PHACTR2: variants seen among roughly 807,000 people sequenced by gnomAD.
The protein encoded by PHACTR2 is chromosome 6 open reading frame 56.
PHACTR2 carries 30 observed loss-of-function variants against 76.0 expected under a neutral mutation model. The ratio of observed to expected loss-of-function variants is 0.39; its 90% CI spans 0.30 to 0.54. The LOEUF is 0.54. Ranked by LOEUF, PHACTR2 falls within the 20% of genes least tolerant of loss-of-function variation. PHACTR2 has a pLI of 0.61. For missense variants in PHACTR2, 696 were observed against 781.1 expected (o/e 0.89, Z 1.30); for synonymous variants, 292 against 292.5 (o/e 1.00, Z 0.02).
intron 12 of PHACTR2, among the ~76,000 whole-genome samples, chr6:143,812,785 T>A (rs1168389311): frequency 1.3e-5 from 2 of 152,142 alleles, no homozygotes; most frequent in African/African-American, 4.8e-5. Flanking sequence ...AAAAAGTCCA[T>A]TTGAGGGTGA....
rs1254630002 is a variant in PHACTR2, at chr6:143,549,709, CCTT to C, written c.217+12508_217+12510del. Among the ~76,000 whole-genome samples the C allele has an allele frequency of 6.6e-6, 1 of 152,034 alleles. No individual in the cohort carries two copies. The highest frequency in any genetic ancestry group is 1.5e-5 in the Non-Finnish European group (1 of 67,956). On this transcript the variant is annotated intron_variant, in intron 1 of 11. Transcript: ENST00000367584. The surrounding 1 kb of genome is among the most constrained non-coding windows in gnomAD (Gnocchi z 4.2). ...CTGAGCTGCCTGGCTGCCACTCCTC[CCTT>C]CTTCTGCACACGCCTACTTTAACAG...
rs1202861425 is a variant in PHACTR2, at chr6:143,550,384, C to G, written c.217+13177C>G. On this transcript the variant is annotated intron_variant, in intron 1 of 11. Coordinates refer to the PHACTR2 transcript ENST00000367584. The surrounding 1 kb of genome is among the most constrained non-coding windows in gnomAD (Gnocchi z 4.8). ...TTTTAAGGACTGATTCCTTATAGCA[C>G]TGATGTACCTCAACATCCCATCCAT... Among the ~76,000 whole-genome samples, 1 of 151,978 alleles carries G rather than the reference C, an allele frequency of 6.6e-6. No individual in the cohort carries two copies. The highest frequency in any genetic ancestry group is 1.5e-5 in the Non-Finnish European group (1 of 67,960).
intron 1 of PHACTR2, among the ~76,000 whole-genome samples, chr6:143,542,178 T>G (rs1000620418): frequency 6.6e-6 from 1 of 152,134 alleles, no homozygotes; most frequent in Non-Finnish European, 1.5e-5. Flanking sequence ...AGCCTGCGCT[T>G]TGCCCAGGTC....
In PHACTR2 at chr6:143,672,023, G is replaced by C. The variant is rs1343287639; in HGVS notation, c.14-39993G>C. On this transcript the variant is annotated intron_variant, in intron 1 of 11. Coordinates refer to the PHACTR2 transcript ENST00000305766. The surrounding 1 kb of genome is among the most constrained non-coding windows in gnomAD (Gnocchi z 5.8). The stretch of plus-strand genomic sequence containing the variant: ...GTAAGAAATTTTAGATAAATCAAAA[G>C]TATGGACATGGAAAGCAGGTTGGCA... Among the ~76,000 whole-genome samples, 1 of 152,084 alleles carries C rather than the reference G, an allele frequency of 6.6e-6. No individual in the cohort carries two copies. Among genetic ancestry groups the C allele is most frequent in the Non-Finnish European group, 1.5e-5 (1 of 68,012 alleles).
chr6:143,615,037 G>C (rs1776039431), intron 1 of PHACTR2, among the ~76,000 whole-genome samples: 1 of 152,156 alleles, frequency 6.6e-6, no homozygotes, highest in Non-Finnish European at 1.5e-5. Context: ...TGTCTTAAAA[G>C]GAAGGAACCT....
In PHACTR2 at chr6:143,554,299, G is replaced by T. The variant is rs1235729101; in HGVS notation, c.217+17092G>T. The stretch of plus-strand genomic sequence containing the variant: ...AAAATGTCTTTACCTCCAACAATTT[G>T]CTGTTAAAAAATTATTCGATGACAC... On this transcript the variant is annotated intron_variant, in intron 1 of 11. Transcript: ENST00000367584. This position sits in a 1 kb window ranked among gnomAD's most constrained non-coding sequence, Gnocchi z 5.9. The T allele has an allele frequency of 6.6e-6, 1 of 152,104 alleles. No individual in the cohort carries two copies. Among genetic ancestry groups the T allele is most frequent in the Non-Finnish European group, 1.5e-5 (1 of 68,024 alleles). The allele number at this position is 152,104 out of a possible 1,614,324, so 9.4% of individuals were successfully genotyped here. A position where few individuals can be genotyped will look rare whatever the true frequency, so the allele number is the denominator to read the frequency against.
intron 2 of PHACTR2, among the ~76,000 whole-genome samples, chr6:143,720,085 T>A (rs76970060): frequency 6.6e-6 from 1 of 152,108 alleles, no homozygotes; most frequent in Non-Finnish European, 1.5e-5. Flanking sequence ...GTCCTGGGAT[T>A]ATAAGTGTGC....
In PHACTR2 at chr6:143,548,510, A is replaced by G. The variant is rs1217848769; in HGVS notation, c.217+11303A>G. 6.6e-6 allele frequency among the ~76,000 whole-genome samples: 1 copy of G among 152,016 alleles called. No individual in the cohort carries two copies. Among genetic ancestry groups the G allele is most frequent in the African/African-American group, 2.4e-5 (1 of 41,430 alleles). On this transcript the variant is annotated intron_variant, in intron 1 of 11. Coordinates refer to the PHACTR2 transcript ENST00000367584. The surrounding 1 kb of genome is among the most constrained non-coding windows in gnomAD (Gnocchi z 4.5). ...TATTTACATGTCTTCTGTTAAAGCTAGCAGAGAGGGCTTCCCTTGGAATCC... is the reference window on the plus strand; with the variant it reads ...TATTTACATGTCTTCTGTTAAAGCTGGCAGAGAGGGCTTCCCTTGGAATCC...
chr6:143,643,785 T>C (rs968631081), intron 1 of PHACTR2, among the ~76,000 whole-genome samples: 2 of 152,230 alleles, frequency 1.3e-5, no homozygotes, highest in Non-Finnish European at 2.9e-5. Context: ...TTATGTGAAA[T>C]GCACATTTAG....
At chr6:143,668,795 A>G (rs1777093893) in intron 1 of PHACTR2, among the ~76,000 whole-genome samples, 1 of 151,712 alleles carries the variant, frequency 6.6e-6, no homozygotes, top group East Asian at 1.9e-4. Flanking sequence ...GTAGTGGTCT[A>G]TTTTGTTAAT....
Position 143,652,194 on chromosome 6 carries a change from AC to A in PHACTR2, c.13+43873del, listed in dbSNP as rs1197977584. On this transcript the variant is annotated intron_variant, in intron 1 of 11. Transcript: ENST00000305766. This position sits in a 1 kb window ranked among gnomAD's most constrained non-coding sequence, Gnocchi z 4.5. ...TGGTCAAAAAGGATTGAAAGCCACT[AC>A]TTGCTTTCATTTCTTGAAATACATT... 6.6e-6 allele frequency among the ~76,000 whole-genome samples: 1 copy of A among 152,176 alleles called. No homozygotes were observed. The highest frequency in any genetic ancestry group is 1.5e-5 in the Non-Finnish European group (1 of 68,030).
Position 143,803,998 on chromosome 6 carries a change from C to A in PHACTR2, c.1846-3059C>A, listed in dbSNP as rs914022173. Among the ~76,000 whole-genome samples, 2 of 152,240 alleles carry A rather than the reference C, an allele frequency of 1.3e-5. No homozygotes were observed. The highest frequency in any genetic ancestry group is 2.1e-4 in the South Asian group (1 of 4,834). ...TGACCTCTCTAGGCCTCCATTGCAT[C>A]AGCTGTAAGGTAAAAGCCTTGGAAT... On this transcript the variant is annotated intron_variant, in intron 11 of 12. Transcript: ENST00000440869. The surrounding 1 kb of genome is among the most constrained non-coding windows in gnomAD (Gnocchi z 4.7).
intron 4 of PHACTR2, among the ~76,000 whole-genome samples, chr6:143,759,032 T>C (rs1235675919): frequency 6.6e-6 from 1 of 152,220 alleles, no homozygotes; most frequent in Non-Finnish European, 1.5e-5. Context: ...TCAAGGTTTT[T>C]ATTGTGCCCC....
chr6:143,635,680 T>C (rs560665683), intron 1 of PHACTR2, among the ~76,000 whole-genome samples: 1 of 152,350 alleles, frequency 6.6e-6, no homozygotes, highest in East Asian at 1.9e-4. Context: ...ATGTACTTCT[T>C]TTCTGTGACC....
chr6:143,825,963 A>C lies in PHACTR2; in HGVS notation c.*2274A>C, dbSNP rs1258868855. On this transcript the variant is annotated 3_prime_UTR_variant, in exon 13 of 13. Transcript: ENST00000440869. This position sits in a 1 kb window ranked among gnomAD's most constrained non-coding sequence, Gnocchi z 4.1. ...TATTTCAAAATTGCATTTCTTGTAT[A>C]ATAGGTCAGATTTATTAACTACTCA... 6.6e-6 allele frequency: 1 copy of C among 152,126 alleles called. No homozygotes were observed. The highest frequency in any genetic ancestry group is 2.4e-5 in the African/African-American group (1 of 41,418). The allele number at this position is 152,126 out of a possible 1,614,324, so 9.4% of individuals were successfully genotyped here. A position where few individuals can be genotyped will look rare whatever the true frequency, so the allele number is the denominator to read the frequency against.
intron 10 of PHACTR2, among the ~76,000 whole-genome samples, chr6:143,788,431 A>G (rs1392708958): frequency 1.3e-5 from 2 of 152,168 alleles, no homozygotes; most frequent in African/African-American, 2.4e-5. Context: ...GCCATTCTGT[A>G]TCTGGGTTAC....
rs529416406 is a variant in PHACTR2, at chr6:143,633,692, G to A, written c.13+25370G>A. Among the ~76,000 whole-genome samples the A allele has an allele frequency of 6.6e-6, 1 of 152,216 alleles. No homozygotes were observed. The highest frequency in any genetic ancestry group is 1.9e-4 in the East Asian group (1 of 5,186). On this transcript the variant is annotated intron_variant, in intron 1 of 11. Coordinates refer to the PHACTR2 transcript ENST00000305766. The surrounding 1 kb of genome is among the most constrained non-coding windows in gnomAD (Gnocchi z 4.1). ...ATTTATTTCATGGATCATGCCTTTGGTGTAGTATCTAAAAAGTCATTGCCA... is the reference window on the plus strand; with the variant it reads ...ATTTATTTCATGGATCATGCCTTTGATGTAGTATCTAAAAAGTCATTGCCA...
At position 143,633,357 on chromosome 6, in the gene PHACTR2, A is replaced by G. The variant is rs1776397910; in HGVS notation, c.13+25035A>G. Among the ~76,000 whole-genome samples the G allele has an allele frequency of 6.6e-6, 1 of 152,206 alleles. No homozygotes were observed. The highest frequency in any genetic ancestry group is 6.5e-5 in the Admixed American group (1 of 15,278). ...TCAATTTGCAATTCCCTATCGGCATATGATGCTGAACATCTTTTCATATGC... is the reference window on the plus strand; with the variant it reads ...TCAATTTGCAATTCCCTATCGGCATGTGATGCTGAACATCTTTTCATATGC... On this transcript the variant is annotated intron_variant, in intron 1 of 11. Coordinates refer to the PHACTR2 transcript ENST00000305766. This position sits in a 1 kb window ranked among gnomAD's most constrained non-coding sequence, Gnocchi z 4.1.
At position 143,559,867 on chromosome 6, in the gene PHACTR2, C is replaced by T. The variant is rs1275104617; in HGVS notation, c.217+22660C>T. Among the ~76,000 whole-genome samples, 11 of 151,818 alleles carry T rather than the reference C, an allele frequency of 7.2e-5. No homozygotes were observed. In the East Asian group the frequency reaches 1.9e-3, roughly 27 times the overall value. On this transcript the variant is annotated intron_variant, in intron 1 of 11. Transcript: ENST00000367584. ...CTGGGGTTACAGGCATGCACCATCA[C>T]ACCTAGCTAATTTTTGTATTTTTAG...
Sources: allele counts gnomAD v4.1 joint callset (sites outside exome capture counted in the v4.1 genomes callset), GRCh38; gene constraint gnomAD v4.1.1; non-coding constraint Gnocchi (gnomAD v3.1); transcripts MANE v1.5; gene names NCBI Gene and HGNC (gene_info 2026-07-23, HGNC 2026-07-21).